Variants in PIK3R4 observed in about 807,000 individuals in gnomAD.
PIK3R4 encodes the protein phosphoinositide-3-kinase regulatory subunit 4.
Under a neutral mutation model 136.5 loss-of-function variants are expected in PIK3R4, and 46 were observed. The observed-to-expected ratio is 0.34, with a 90% CI of 0.27 to 0.43. PIK3R4 has a LOEUF of 0.43. PIK3R4 is among the 20% of genes least tolerant of loss of function. PIK3R4 has a pLI of 1.00. For missense variants in PIK3R4, 1,331 were observed against 1,649.5 expected, an observed-to-expected ratio of 0.81 and a Z score of 3.35; for synonymous variants, 557 against 566.7, an observed-to-expected ratio of 0.98 and a Z score of 0.24.
intron 7 of PIK3R4, among the ~76,000 whole-genome samples, chr3:130,721,434 G>A (rs2066699842): frequency 6.6e-6 from 1 of 152,034 alleles, no homozygotes; most frequent in South Asian, 2.1e-4. Flanking sequence ...TATGTTGAAG[G>A]GATATCTGCA....
Position 130,732,909 on chromosome 3 carries a change from ATAT to A in PIK3R4, c.1450+636_1450+638del, listed in dbSNP as rs1378468822. 2.6e-5 allele frequency among the ~76,000 whole-genome samples: 4 copies of A among 151,882 alleles called. No individual in the cohort carries two copies. In the East Asian group the frequency reaches 5.8e-4, roughly 22 times the overall value. ...AGAAATAAATTATATATATTCAGTG[ATAT>A]TATATATATTCAGTGATATTTCTCA... On this transcript the variant is annotated intron_variant, in intron 4 of 19. Coordinates refer to ENST00000356763, the MANE Select transcript of PIK3R4 (RefSeq NM_014602.3).
intron 7 of PIK3R4, among the ~76,000 whole-genome samples, chr3:130,722,652 C>A (rs2066708293): frequency 6.6e-6 from 1 of 152,090 alleles, no homozygotes; most frequent in East Asian, 1.9e-4. Context: ...GTAATCAATG[C>A]AGTGACAGAC....
chr3:130,686,341 G>A lies in PIK3R4; in HGVS notation c.3345C>T (p.Ala1115=), dbSNP rs1233578461. The A allele has an allele frequency of 6.2e-7, 1 of 1,613,032 alleles. No homozygotes were observed. The change falls in exon 15 of 20, where the codon GCC becomes GCT. Residue 1115 remains alanine, a synonymous_variant. Transcript: ENST00000356763. The part of the protein sequence containing the change: ...NSGAQSVLAY[A]TVNGSLVGWD... The stretch of plus-strand genomic sequence containing the variant: ...AGCCAACCAGAGAGCCATTCACAGT[G>A]GCATAGGCAAGAACAGACTGTGCTC...
intron 16 of PIK3R4, among the ~76,000 whole-genome samples, chr3:130,683,820 A>C (rs952711624): frequency 6.6e-6 from 1 of 152,204 alleles, no homozygotes; most frequent in African/African-American, 2.4e-5. Context: ...GACTTGCCCA[A>C]GTATCATGCC....
chr3:130,690,443 T>A, intron 14 of PIK3R4, 47 bp downstream of exon 14: 1 of 1,368,144 alleles, frequency 7.3e-7, no homozygotes, highest in Non-Finnish European at 1.0e-6. Context: ...CTTAAGGTAC[T>A]GTAGTGCACT....
Position 130,733,834 on chromosome 3 carries a change from G to C in PIK3R4, c.1164C>G (p.Thr388=). ...LVSVITSCLQ[T]LKYCDSKLAA... ...CTAGTTTGGAATCACAGTATTTAAG[G>C]GTCTGTAGGCAGGATGTTATAACAG... Residue 388 remains threonine (T), a synonymous_variant, in exon 4 of 20, where the codon ACC becomes ACG. Transcript: ENST00000356763. 1 of 1,614,104 alleles carries C rather than the reference G, an allele frequency of 6.2e-7. No homozygotes were observed. The highest frequency in any genetic ancestry group is 8.5e-7 in the Non-Finnish European group (1 of 1,180,014).
At chr3:130,700,562 TAAG>T (rs2066569065) in intron 13 of PIK3R4, among the ~76,000 whole-genome samples, 1 of 152,100 alleles carries the variant, frequency 6.6e-6, no homozygotes, top group East Asian at 1.9e-4. Context: ...TTAACTCAAA[TAAG>T]AAAAAAGAAA....
chr3:130,718,370 C>T lies in PIK3R4; in HGVS notation c.2127+19G>A, dbSNP rs778889453. 6 of 1,597,908 alleles carry T rather than the reference C, an allele frequency of 3.8e-6. No individual in the cohort carries two copies. In the South Asian group the frequency reaches 5.6e-5, roughly 15 times the overall value. On this transcript the variant is annotated intron_variant, in intron 8 of 19. Transcript: ENST00000356763. ...CACAGTTTGGAGGAAAGACTGACTC[C>T]AACTTGGAACATGTATACCTGTATT...
chr3:130,704,095 G>A (rs2066594311), intron 12 of PIK3R4, among the ~76,000 whole-genome samples: 1 of 152,148 alleles, frequency 6.6e-6, no homozygotes, highest in Non-Finnish European at 1.5e-5. Context: ...ATTAAGTGTT[G>A]CTTAAATAGC....
intron 9 of PIK3R4, among the ~76,000 whole-genome samples, chr3:130,710,936 A>G (rs1192797497): frequency 2.0e-5 from 3 of 152,024 alleles, no homozygotes; most frequent in African/African-American, 7.2e-5. Context: ...ATGTGTAAGA[A>G]TCAAGGATAG....
chr3:130,684,154 T>C (rs1282672770), intron 16 of PIK3R4, 96 bp downstream of exon 16: 7 of 1,098,294 alleles, frequency 6.4e-6, no homozygotes, highest in African/African-American at 1.6e-5. Context: ...TCAGTTCATA[T>C]GTAAAATAAA....
chr3:130,717,317 ATAAT>A (rs2066671081), intron 8 of PIK3R4, among the ~76,000 whole-genome samples: 2 of 152,186 alleles, frequency 1.3e-5, no homozygotes, highest in Admixed American at 1.3e-4. Flanking sequence ...AAGCAAATGA[ATAAT>A]TAGCCTCTCA....
chr3:130,718,151 T>G (rs549115359), intron 8 of PIK3R4, among the ~76,000 whole-genome samples: 1 of 152,342 alleles, frequency 6.6e-6, no homozygotes, highest in Non-Finnish European at 1.5e-5. Context: ...AGAAAATATA[T>G]GAACTACTGT....
chr3:130,717,008 G>A lies in PIK3R4; in HGVS notation c.2128-409C>T, dbSNP rs74794296. Among the ~76,000 whole-genome samples, 232 of 152,272 alleles carry A rather than the reference G, an allele frequency of 1.5e-3. 1 individual carries two copies. The highest frequency in any genetic ancestry group is 5.0e-3 in the African/African-American group (208 of 41,548). ...GTCTTCCTTCAGTTATCACATTTTC[G>A]TGGTAGATTCAACCACTTCTAAAAA... On this transcript the variant is annotated intron_variant, in intron 8 of 19. Transcript: ENST00000356763.
intron 13 of PIK3R4, among the ~76,000 whole-genome samples, chr3:130,693,548 A>T (rs928736094): frequency 3.9e-5 from 6 of 152,174 alleles, no homozygotes; most frequent in African/African-American, 1.4e-4. Context: ...CTAGTGACTA[A>T]GAAGCATCTT....
chr3:130,712,770 A>C (rs2066639472), intron 9 of PIK3R4, among the ~76,000 whole-genome samples: 1 of 152,178 alleles, frequency 6.6e-6, no homozygotes, highest in Admixed American at 6.5e-5. Flanking sequence ...CAGGTAGCAC[A>C]GGGACCAAAA....
intron 1 of PIK3R4, 24 bp downstream of exon 1, chr3:130,746,294 C>T (rs1287606463): frequency 6.6e-6 from 1 of 152,174 alleles, no homozygotes; most frequent in African/African-American, 2.4e-5. Context: ...ACACACACGA[C>T]CTTGAGCACA....
At chr3:130,722,299 A>G (rs1456520050) in intron 7 of PIK3R4, among the ~76,000 whole-genome samples, 1 of 152,282 alleles carries the variant, frequency 6.6e-6, no homozygotes, top group Non-Finnish European at 1.5e-5. Context: ...GTAGTACCAC[A>G]CTGGGTTTAT....
intron 2 of PIK3R4, 56 bp from the exon 3 acceptor site, chr3:130,736,058 A>T (rs2066784264): frequency 2.8e-6 from 4 of 1,409,434 alleles, no homozygotes; most frequent in Non-Finnish European, 2.9e-6. Flanking sequence ...ATCATGCAAT[A>T]TAGATTGAGA....
Sources: allele counts gnomAD v4.1 joint callset (sites outside exome capture counted in the v4.1 genomes callset), GRCh38; gene constraint gnomAD v4.1.1; transcripts MANE v1.5; gene names NCBI Gene and HGNC (gene_info 2026-07-23, HGNC 2026-07-21).